Variants in ARL15 observed in about 807,000 individuals in gnomAD.
ARL15 encodes the protein ADP-ribosylation factor-like protein 15.
ARL15 carries 19 observed loss-of-function variants against 25.2 expected under a neutral mutation model. The ratio of observed to expected loss-of-function variants is 0.75; its 90% CI spans 0.53 to 1.10. The LOEUF (loss-of-function observed/expected upper bound fraction) is 1.10, where lower values mean the gene tolerates loss of function less well. ARL15 is among the 50% of genes least tolerant of loss of function. ARL15 has a pLI of 0.00. For synonymous variants in ARL15, 94 were observed against 86.8 expected, an observed-to-expected ratio of 1.08 and a Z score of -0.46; for missense variants, 220 against 246.0, an observed-to-expected ratio of 0.89 and a Z score of 0.71.
intron 1 of ARL15, among the ~76,000 whole-genome samples, chr5:54,234,796 G>T (rs554207519): frequency 9.2e-5 from 14 of 152,252 alleles, no homozygotes; most frequent in Non-Finnish European, 1.8e-4. Context: ...TTATTGGATT[G>T]TCAGAAGAAT....
At chr5:54,258,309 CAG>C (rs1035769586) in intron 1 of ARL15, among the ~76,000 whole-genome samples, 13 of 152,116 alleles carry the variant, frequency 8.5e-5, no homozygotes, top group African/African-American at 3.1e-4. Context: ...GCCTGGGCAA[CAG>C]AGTGAGAACC....
At chr5:54,134,625 G>T (rs936217474) in intron 3 of ARL15, among the ~76,000 whole-genome samples, 1 of 109,980 alleles carries the variant, frequency 9.1e-6, no homozygotes, top group Non-Finnish European at 1.7e-5. Context: ...TTGCTCTCTC[G>T]CCAGGCTGGA....
chr5:54,205,798 G>T lies in ARL15; in HGVS notation c.49-33870C>A, dbSNP rs560652577. Among the ~76,000 whole-genome samples, 12 of 152,292 alleles carry T rather than the reference G, an allele frequency of 7.9e-5. No individual in the cohort carries two copies. The South Asian group carries it at 2.5e-3, about 32-fold the overall frequency. Reference sequence around the variant, plus strand: ...CAAAGGCACAGTAAGAACAAAGACTGCTCCAGAAACAGTAACTAAAGTTAC... The same window carrying T: ...CAAAGGCACAGTAAGAACAAAGACTTCTCCAGAAACAGTAACTAAAGTTAC... On this transcript the variant is annotated intron_variant, in intron 1 of 4. Coordinates refer to ENST00000504924, the MANE Select transcript of ARL15 (RefSeq NM_019087.3).
rs144870063 is a variant in ARL15, at chr5:54,023,952, C to A, written c.462+89250G>T. Among the ~76,000 whole-genome samples the A allele has an allele frequency of 2.3e-3, 350 of 152,260 alleles. 2 individuals are homozygous for A. The highest frequency in any genetic ancestry group is 8.1e-3 in the African/African-American group (335 of 41,558). On this transcript the variant is annotated intron_variant, in intron 4 of 4. Transcript: ENST00000504924. The stretch of plus-strand genomic sequence containing the variant: ...AAGCCCACTGAATTCCCCTAAAAAT[C>A]ATTTACTACTCTCCTAAAATCATCC...
chr5:53,965,296 TATTTTGGTGGA>T (rs1747515360), intron 4 of ARL15, among the ~76,000 whole-genome samples: 1 of 152,212 alleles, frequency 6.6e-6, no homozygotes, highest in Admixed American at 6.5e-5. Flanking sequence ...TTATTCATGG[TATTTTGGTGGA>T]AGAAGATAAG....
At chr5:54,120,512 C>T (rs1286833120) in intron 3 of ARL15, among the ~76,000 whole-genome samples, 1 of 152,058 alleles carries the variant, frequency 6.6e-6, no homozygotes, top group Non-Finnish European at 1.5e-5. Context: ...AATCAGTACC[C>T]AAGAGAAACT....
In ARL15 at chr5:54,310,521, A is replaced by G; in HGVS notation, c.-42T>C. 1 of 1,571,976 alleles carries G rather than the reference A, an allele frequency of 6.4e-7. No homozygotes were observed. The highest frequency in any genetic ancestry group is 8.6e-7 in the Non-Finnish European group (1 of 1,160,158). ...TCCGGAACGGCTCCGAACCCGGAAA[A>G]AAAAAGCAGCGTCTCTGGCTGCGAG... On this transcript the variant is annotated 5_prime_UTR_variant, in exon 1 of 5. Coordinates refer to ENST00000504924, the MANE Select transcript of ARL15 (RefSeq NM_019087.3).
chr5:54,183,360 G>T (rs1755119677), intron 1 of ARL15, among the ~76,000 whole-genome samples: 1 of 130,314 alleles, frequency 7.7e-6, no homozygotes, highest in African/African-American at 2.9e-5. Flanking sequence ...TTAGCATGAA[G>T]GGTTGTTGAA....
At chr5:54,122,424 C>A (rs549744359) in intron 3 of ARL15, among the ~76,000 whole-genome samples, 5 of 152,240 alleles carry the variant, frequency 3.3e-5, no homozygotes, top group African/African-American at 1.2e-4. Context: ...CACATGTGCA[C>A]GTGCATGCGT....
At chr5:54,201,786 A>G (rs928933564) in intron 1 of ARL15, among the ~76,000 whole-genome samples, 2 of 152,110 alleles carry the variant, frequency 1.3e-5, no homozygotes, top group Non-Finnish European at 2.9e-5. Context: ...GCCTTTACTG[A>G]GCATCATTGA....
At chr5:54,211,382 G>C (rs1220968595) in intron 1 of ARL15, among the ~76,000 whole-genome samples, 1 of 151,512 alleles carries the variant, frequency 6.6e-6, no homozygotes, top group African/African-American at 2.4e-5. Flanking sequence ...TTTTATCTGA[G>C]CATTAGAAAA....
At chr5:53,931,861 G>T (rs1413375885) in intron 4 of ARL15, among the ~76,000 whole-genome samples, 1 of 152,154 alleles carries the variant, frequency 6.6e-6, no homozygotes, top group African/African-American at 2.4e-5. Flanking sequence ...TGTCTTTTAA[G>T]TAAGCCTGTA....
At chr5:54,017,085 C>T (rs1203996508) in intron 4 of ARL15, among the ~76,000 whole-genome samples, 1 of 152,184 alleles carries the variant, frequency 6.6e-6, no homozygotes, top group Non-Finnish European at 1.5e-5. Context: ...GTCGCCTCTG[C>T]CCTGTGTTGC....
chr5:54,038,448 CCAAA>C (rs1750237327), intron 4 of ARL15, among the ~76,000 whole-genome samples: 1 of 151,378 alleles, frequency 6.6e-6, no homozygotes, highest in Admixed American at 6.6e-5. Flanking sequence ...ATATAAAATC[CCAAA>C]CAGAGGCATT....
chr5:54,232,337 C>G (rs987213345), intron 1 of ARL15, among the ~76,000 whole-genome samples: 1 of 152,162 alleles, frequency 6.6e-6, no homozygotes, highest in African/African-American at 2.4e-5. Context: ...ACTATTAATA[C>G]ATAGTGCTCT....
intron 4 of ARL15, among the ~76,000 whole-genome samples, chr5:53,910,902 C>A (rs2111978551): frequency 6.6e-6 from 1 of 151,812 alleles, no homozygotes; most frequent in South Asian, 2.1e-4. Flanking sequence ...TTGTTCTGAT[C>A]TTCTTGTATT....
intron 4 of ARL15, among the ~76,000 whole-genome samples, chr5:54,051,347 A>G (rs897182333): frequency 1.3e-5 from 2 of 152,232 alleles, no homozygotes; most frequent in Non-Finnish European, 2.9e-5. Flanking sequence ...TTTGAAGTTA[A>G]GTCTGAATTC....
intron 4 of ARL15, among the ~76,000 whole-genome samples, chr5:54,011,076 T>C (rs1217870496): frequency 2.0e-5 from 3 of 151,756 alleles, no homozygotes; most frequent in African/African-American, 7.3e-5. Context: ...GGCCAAATTA[T>C]AAGACAGATG....
chr5:54,127,664 A>C (rs1327733535), intron 3 of ARL15, among the ~76,000 whole-genome samples: 3 of 151,972 alleles, frequency 2.0e-5, no homozygotes, highest in Admixed American at 6.6e-5. Context: ...GTTGGAAAAA[A>C]CTACTTTAAA....
Sources: gnomAD v4.1 joint callset for allele counts (sites outside exome capture counted in the v4.1 genomes callset) on GRCh38, gnomAD v4.1.1 for gene constraint, MANE v1.5 for transcripts, NCBI Gene and HGNC (gene_info 2026-07-23, HGNC 2026-07-21) for gene names.